Variants in RANBP9 observed in about 807,000 individuals in gnomAD.
The protein encoded by RANBP9 is RAN binding protein 9.
Under a neutral mutation model 84.3 loss-of-function variants are expected in RANBP9, and 15 were observed. The observed-to-expected ratio is 0.18, with a 90% CI of 0.12 to 0.27. The LOEUF (loss-of-function observed/expected upper bound fraction) is 0.27. Ranked by LOEUF, RANBP9 falls within the 10% of genes least tolerant of loss-of-function variation. The probability of loss-of-function intolerance (pLI) is 1.00; values close to 1 mark genes in which losing one functional copy is unlikely to be tolerated. For synonymous variants in RANBP9, 392 were observed against 349.6 expected, an observed-to-expected ratio of 1.12 and a Z score of -1.35; for missense variants, 809 against 912.8, an observed-to-expected ratio of 0.89 and a Z score of 1.46.
At chr6:13,677,574 T>C (rs970465025) in intron 2 of RANBP9, among the ~76,000 whole-genome samples, 3 of 152,190 alleles carry the variant, frequency 2.0e-5, no homozygotes, top group African/African-American at 7.2e-5. Context: ...CACCAAAAGT[T>C]AGTTACTACA....
At chr6:13,705,230 C>T (rs1758073667) in intron 1 of RANBP9, among the ~76,000 whole-genome samples, 1 of 151,422 alleles carries the variant, frequency 6.6e-6, no homozygotes, top group South Asian at 2.1e-4. Context: ...ATGGCAAAAC[C>T]CCATCGCTAC....
intron 2 of RANBP9, among the ~76,000 whole-genome samples, chr6:13,687,372 CAGT>C (rs1766214491): frequency 6.6e-6 from 1 of 151,984 alleles, no homozygotes; most frequent in Non-Finnish European, 1.5e-5. Flanking sequence ...ACTGTAATCC[CAGT>C]ACTTTGGGAG....
intron 2 of RANBP9, among the ~76,000 whole-genome samples, chr6:13,687,690 ATC>A (rs1371709405): frequency 6.6e-6 from 1 of 152,176 alleles, no homozygotes; most frequent in African/African-American, 2.4e-5. Flanking sequence ...TAGTTAACAA[ATC>A]TGTCTACTTT....
intron 2 of RANBP9, among the ~76,000 whole-genome samples, chr6:13,665,358 C>T (rs1389968777): frequency 6.6e-6 from 1 of 152,046 alleles, no homozygotes; most frequent in East Asian, 1.9e-4. Context: ...AAATAAGATA[C>T]TGCAAACAGC....
rs184718268 is a variant in RANBP9, at chr6:13,696,665, C to G, written c.683+120G>C. On this transcript the variant is annotated intron_variant, in intron 2 of 13. Coordinates refer to ENST00000011619, the MANE Select transcript of RANBP9 (RefSeq NM_005493.3). ...ATCCAATCTGTTATACTGAAATATT[C>G]AGATTCCACTTTTCCAATTAGCAAA... 598 of 743,538 alleles carry G rather than the reference C, an allele frequency of 8.0e-4. 1 individual carries two copies. In the Middle Eastern group the frequency reaches 9.9e-3, roughly 12 times the overall value. The allele number at this position is 743,538 out of a possible 1,614,324, so 46.1% of individuals were successfully genotyped here. A position where few individuals can be genotyped will look rare whatever the true frequency, so the allele number is the denominator to read the frequency against.
At chr6:13,669,255 A>G (rs1765720835) in intron 2 of RANBP9, among the ~76,000 whole-genome samples, 1 of 152,198 alleles carries the variant, frequency 6.6e-6, no homozygotes. Flanking sequence ...TCCCCATGCC[A>G]TATTCATGGA....
chr6:13,709,510 C>T (rs566372205), intron 1 of RANBP9, among the ~76,000 whole-genome samples: 34 of 152,274 alleles, frequency 2.2e-4, no homozygotes, highest in African/African-American at 7.7e-4. Flanking sequence ...AACATAGCAC[C>T]GTTCACACAA....
rs751590882 is a variant in RANBP9 at position 13,679,598 on chromosome 6, C to T, written c.683+17187G>A. On this transcript the variant is annotated intron_variant, in intron 2 of 13. Coordinates refer to ENST00000011619, the MANE Select transcript of RANBP9 (RefSeq NM_005493.3). ...ATTGTTTATGTTTCCAATAAACTGA[C>T]ATTTTTGGTTAATAAAATTATTTAT... Among the ~76,000 whole-genome samples, 205 of 152,262 alleles carry T rather than the reference C, an allele frequency of 1.3e-3. 4 individuals carry two copies. The highest frequency in any genetic ancestry group is 2.4e-4 in the Non-Finnish European group (16 of 67,996).
chr6:13,645,747 T>G (rs553019619), intron 5 of RANBP9, among the ~76,000 whole-genome samples: 182 of 152,336 alleles, frequency 1.2e-3, no homozygotes, highest in African/African-American at 4.2e-3. Flanking sequence ...TATTTTCATT[T>G]TCTGTATTTA....
At position 13,711,506 on chromosome 6, in the gene RANBP9, C is replaced by T. The variant is rs752911370; in HGVS notation, c.-1G>A. 2.2e-5 allele frequency: 28 copies of T among 1,249,356 alleles called. No homozygotes were observed. Among genetic ancestry groups the T allele is most frequent in the Middle Eastern group, 3.3e-4 (1 of 3,036 alleles). The allele number at this position is 1,249,356 out of a possible 1,614,324, so 77.4% of individuals were successfully genotyped here. On this transcript the variant is annotated 5_prime_UTR_variant, in exon 1 of 14. Transcript: ENST00000011619. ...GCGGCGGCGGCGGCTGCCCGGACAT[C>T]CCGGCCGCGACTCAGCCTGCGGCCA...
rs532097949 is a variant in RANBP9 at position 13,696,636 on chromosome 6, C to A, written c.683+149G>T. ...AACTTCAGCTAGTATTTAAGCATAA[C>A]CAGATCCAATCTGTTATACTGAAAT... On this transcript the variant is annotated intron_variant, in intron 2 of 13. Transcript: ENST00000011619. 10 of 572,140 alleles carry A rather than the reference C, an allele frequency of 1.7e-5. No homozygotes were observed. In the South Asian group the frequency reaches 2.3e-4, roughly 13 times the overall value. The allele number at this position is 572,140 out of a possible 1,614,324, so 35.4% of individuals were successfully genotyped here.
chr6:13,658,013 G>T (rs1765443596), intron 3 of RANBP9, among the ~76,000 whole-genome samples: 1 of 152,128 alleles, frequency 6.6e-6, no homozygotes, highest in South Asian at 2.1e-4. Flanking sequence ...TTTTAGCAAA[G>T]AGAGTATTAG....
chr6:13,684,834 T>G (rs1766131868), intron 2 of RANBP9, among the ~76,000 whole-genome samples: 1 of 152,216 alleles, frequency 6.6e-6, no homozygotes, highest in South Asian at 2.1e-4. Context: ...AGCCTCATCT[T>G]GTTTGGAGGT....
At position 13,637,843 on chromosome 6, in the gene RANBP9, A is replaced by G; in HGVS notation, c.1638T>C (p.Asn546=). The G allele has an allele frequency of 6.2e-7, 1 of 1,607,040 alleles. No homozygotes were observed. Among genetic ancestry groups the G allele is most frequent in the Non-Finnish European group, 8.5e-7 (1 of 1,177,324 alleles). The change falls in exon 10 of 14, where the codon AAT becomes AAC. Residue 546 remains asparagine (N), a synonymous_variant. Coordinates refer to ENST00000011619, the MANE Select transcript of RANBP9 (RefSeq NM_005493.3). ...NLNVPELNSI[N]MSRSQQVNNF... is the part of the protein sequence containing the mutation. ...TATTAACTTGCTGTGATCTTGACAT[A>G]TTTATACTGTTTAGTTCTGGTACAT...
At chr6:13,630,976 C>CT (rs1486357262) in intron 12 of RANBP9, among the ~76,000 whole-genome samples, 1 of 151,894 alleles carries the variant, frequency 6.6e-6, no homozygotes, top group African/African-American at 2.4e-5. Context: ...GGCCCAGCTA[C>CT]TTTTTTGTAT....
chr6:13,709,600 T>C (rs544832044), intron 1 of RANBP9, among the ~76,000 whole-genome samples: 35 of 152,318 alleles, frequency 2.3e-4, no homozygotes, highest in Admixed American at 2.0e-3. Flanking sequence ...GATTTGATAT[T>C]GTGAATGAAA....
chr6:13,686,154 G>A (rs985478345), intron 2 of RANBP9, among the ~76,000 whole-genome samples: 5 of 124,670 alleles, frequency 4.0e-5, no homozygotes, highest in Non-Finnish European at 3.1e-5. Context: ...GCCTAGGCTG[G>A]AGTGTAGTGA....
At chr6:13,668,009 T>A (rs1384348602) in intron 2 of RANBP9, among the ~76,000 whole-genome samples, 1 of 151,386 alleles carries the variant, frequency 6.6e-6, no homozygotes, top group Non-Finnish European at 1.5e-5. Flanking sequence ...AGGGGAGAAA[T>A]AAGAGGAGAG....
chr6:13,702,680 A>C (rs148564491), intron 1 of RANBP9, among the ~76,000 whole-genome samples: 3,257 of 152,216 alleles, frequency 0.021, 126 homozygotes, highest in African/African-American at 0.074. Context: ...GAAGCTAAAC[A>C]CCAGGTAAAA....
Sources: allele counts gnomAD v4.1 joint callset (sites outside exome capture counted in the v4.1 genomes callset), GRCh38; gene constraint gnomAD v4.1.1; transcripts MANE v1.5; gene names NCBI Gene and HGNC (gene_info 2026-07-23, HGNC 2026-07-21).